WDR19: variants seen among roughly 807,000 people sequenced by gnomAD.
The protein encoded by WDR19 is WD repeat domain 19.
In WDR19, 121 loss-of-function variants were observed where a neutral mutation model predicts 180.0. That is an observed-to-expected ratio of 0.67 (90% CI 0.58 to 0.78). The LOEUF is 0.78. WDR19 is among the 30% of genes least tolerant of loss of function. The pLI is 0.00. For synonymous variants in WDR19, 497 were observed against 540.7 expected (o/e 0.92, Z 1.12); for missense variants, 1,450 against 1,640.7 (o/e 0.88, Z 2.01).
At chr4:39,227,800 A>C (rs929726257) in intron 15 of WDR19, among the ~76,000 whole-genome samples, 2 of 152,206 alleles carry the variant, frequency 1.3e-5, no homozygotes, top group East Asian at 3.8e-4. Context: ...TACTTCAATC[A>C]TGTGAGTTAA....
chr4:39,202,626 C>A (rs962859966), intron 6 of WDR19, among the ~76,000 whole-genome samples: 1 of 152,030 alleles, frequency 6.6e-6, no homozygotes, highest in Non-Finnish European at 1.5e-5. Flanking sequence ...TTTGACCTAA[C>A]AATACCATTT....
At chr4:39,260,910 C>A (rs922982017) in intron 28 of WDR19, among the ~76,000 whole-genome samples, 1 of 152,164 alleles carries the variant, frequency 6.6e-6, no homozygotes, top group African/African-American at 2.4e-5. Flanking sequence ...TTCCAAGTAT[C>A]ATTACATGAA....
chr4:39,208,437 G>C (rs973082834), intron 9 of WDR19, among the ~76,000 whole-genome samples: 29 of 151,536 alleles, frequency 1.9e-4, no homozygotes, highest in Middle Eastern at 3.4e-3. Flanking sequence ...CTCCCAAGTA[G>C]CTGGGATTAC....
intron 36 of WDR19, among the ~76,000 whole-genome samples, chr4:39,281,236 T>TATATATATATATAG (rs762298152): frequency 3.8e-5 from 4 of 104,044 alleles, no homozygotes; most frequent in African/African-American, 1.6e-4. Context: ...TATATATATA[T>TATATATATATATAG]AGAGAGAGAG....
At chr4:39,244,578 T>C in intron 23 of WDR19, 26 bp downstream of exon 23, 12 of 1,613,566 alleles carry the variant, frequency 7.4e-6, no homozygotes, top group Non-Finnish European at 1.0e-5. Context: ...GGTTTGTTTC[T>C]GAACAGGATT....
chr4:39,203,011 G>A (rs1363906334), intron 6 of WDR19, among the ~76,000 whole-genome samples: 5 of 151,964 alleles, frequency 3.3e-5, no homozygotes, highest in East Asian at 1.9e-4. Context: ...CTCATCTTGG[G>A]AGCTACCAAA....
intron 25 of WDR19, 107 bp downstream of exon 25, chr4:39,253,399 AT>A (rs1560541292): frequency 1.5e-6 from 2 of 1,298,000 alleles, no homozygotes; most frequent in East Asian, 2.6e-5. Flanking sequence ...TTTAGTCTTT[AT>A]TTTTTTATCA....
At chr4:39,211,105 C>T (rs1028258805) in intron 9 of WDR19, among the ~76,000 whole-genome samples, 30 of 152,098 alleles carry the variant, frequency 2.0e-4, no homozygotes, top group African/African-American at 7.0e-4. Flanking sequence ...GTGGGAGGAT[C>T]ACTTGAGCCT....
At chr4:39,223,343 TG>T (rs1729890495) in intron 14 of WDR19, among the ~76,000 whole-genome samples, 1 of 152,210 alleles carries the variant, frequency 6.6e-6, no homozygotes, top group Non-Finnish European at 1.5e-5. Context: ...TTTTTGTTTT[TG>T]TTTTGAGATG....
chr4:39,271,293 C>T (rs1735349988), intron 31 of WDR19, among the ~76,000 whole-genome samples: 1 of 152,182 alleles, frequency 6.6e-6, no homozygotes. Flanking sequence ...TCTATAAATG[C>T]ATGTTTTTTA....
chr4:39,188,181 GTAATACCAAGATGAAAAATATT>G (rs1290269565), intron 3 of WDR19, among the ~76,000 whole-genome samples: 7 of 150,876 alleles, frequency 4.6e-5, no homozygotes, highest in Non-Finnish European at 8.9e-5. Context: ...AAAAATATAT[GTAATACCAAGATGAAAAATATT>G]TAATACCAAG....
At chr4:39,198,059 T>G (rs1726959263) in intron 5 of WDR19, among the ~76,000 whole-genome samples, 1 of 151,618 alleles carries the variant, frequency 6.6e-6, no homozygotes, top group Non-Finnish European at 1.5e-5. Flanking sequence ...CCTAGGCTGG[T>G]CTTGAACTCC....
chr4:39,273,011 G>A lies in WDR19; in HGVS notation c.3515G>A (p.Gly1172Glu), dbSNP rs774149305. The A allele has an allele frequency of 6.9e-6, 11 of 1,604,572 alleles. No individual in the cohort carries two copies. The highest frequency in any genetic ancestry group is 8.5e-6 in the Non-Finnish European group (10 of 1,176,052). ...GTTAAAAATGGAGATCACATGAAAG[G>A]GGCTCGCATGCTCATTCGGGTGGCC... The part of the protein sequence containing the change: ...IHVKNGDHMK[G>E]ARMLIRVANN... The change falls in exon 32 of 37, where the codon GGG (glycine) becomes GAG (glutamate). Residue 1172 changes from glycine (G) to glutamate (E), a missense_variant. Transcript: ENST00000399820.
In WDR19 at chr4:39,266,016, C is replaced by A. The variant is rs373262488; in HGVS notation, c.3184-47C>A. The stretch of plus-strand genomic sequence containing the variant: ...GATTGTCTTTTTCTCCACTCTTGCT[C>A]GGTTTAAGATGCTGAATTTGCTGGG... On this transcript the variant is annotated intron_variant, in intron 28 of 36. Coordinates refer to ENST00000399820, the MANE Select transcript of WDR19 (RefSeq NM_025132.4). The A allele has an allele frequency of 3.4e-6, 5 of 1,485,934 alleles. No individual in the cohort carries two copies. The South Asian group carries it at 4.8e-5, about 14-fold the overall frequency. The allele number at this position is 1,485,934 out of a possible 1,614,324, so 92.0% of individuals were successfully genotyped here.
At chr4:39,252,842 T>G (rs1048979190) in intron 24 of WDR19, among the ~76,000 whole-genome samples, 3 of 152,126 alleles carry the variant, frequency 2.0e-5, no homozygotes, top group African/African-American at 7.2e-5. Context: ...CTACATTTTC[T>G]ATATTACTAT....
At chr4:39,260,606 G>A (rs1463741497) in intron 28 of WDR19, among the ~76,000 whole-genome samples, 1 of 152,174 alleles carries the variant, frequency 6.6e-6, no homozygotes, top group East Asian at 1.9e-4. Context: ...CTCCCAAAGT[G>A]CTGGGATTAA....
chr4:39,219,417 T>G (rs909343103), intron 14 of WDR19, among the ~76,000 whole-genome samples: 3 of 152,194 alleles, frequency 2.0e-5, no homozygotes, highest in African/African-American at 7.2e-5. Context: ...CGAAACATTA[T>G]GTGGCGAATG....
chr4:39,253,962 A>T lies in WDR19; in HGVS notation c.2933A>T (p.Lys978Ile). The T allele has an allele frequency of 6.2e-7, 1 of 1,612,058 alleles. No homozygotes were observed. Among genetic ancestry groups the T allele is most frequent in the Non-Finnish European group, 8.5e-7 (1 of 1,178,526 alleles). Residue 978 changes from lysine (K) to isoleucine (I), a missense_variant, in exon 26 of 37, where the codon AAA becomes ATA. By Grantham distance (102) the Lys-to-Ile change is moderately radical. Transcript: ENST00000399820. ...GSAIQFLVMS[K>I]CNNEAFTLAQ... ...GCCATCCAGTTTCTTGTCATGTCCAAATGCAACAATGAAGCTTTCACACTG... is the reference window on the plus strand; with the variant it reads ...GCCATCCAGTTTCTTGTCATGTCCATATGCAACAATGAAGCTTTCACACTG...
chr4:39,274,698 A>G, intron 32 of WDR19, 110 bp from the exon 33 acceptor site: 1 of 1,329,282 alleles, frequency 7.5e-7, no homozygotes, highest in East Asian at 2.3e-5. Context: ...GAAAAAGCAA[A>G]GTTCAGAGAC....
Sources: gnomAD v4.1 joint callset for allele counts (sites outside exome capture counted in the v4.1 genomes callset) on GRCh38, gnomAD v4.1.1 for gene constraint, MANE v1.5 for transcripts, NCBI Gene and HGNC (gene_info 2026-07-23, HGNC 2026-07-21) for gene names.